Variants in EPM2A observed in about 807,000 individuals in gnomAD.
EPM2A encodes EPM2A glucan phosphatase, laforin.
EPM2A carries 21 observed loss-of-function variants against 26.5 expected under a neutral mutation model. The observed-to-expected ratio is 0.79, with a 90% CI of 0.56 to 1.14. The LOEUF is 1.14. Ranked by LOEUF, EPM2A falls within the 50% of genes most tolerant of loss-of-function variation. The pLI, the probability that EPM2A is intolerant of heterozygous loss-of-function variation, is 0.00. For missense variants in EPM2A, 458 were observed against 440.8 expected (o/e 1.04, Z -0.35); for synonymous variants, 217 against 177.6 (o/e 1.22, Z -1.76).
At chr6:145,407,249 C>T (rs551119604) in intron 4 of EPM2A, among the ~76,000 whole-genome samples, 2 of 152,196 alleles carry the variant, frequency 1.3e-5, no homozygotes, top group Non-Finnish European at 2.9e-5. Flanking sequence ...GGACAAAAGA[C>T]ATACACTAAG....
At chr6:145,571,899 A>G (rs1231709705) in intron 2 of EPM2A, among the ~76,000 whole-genome samples, 1 of 152,210 alleles carries the variant, frequency 6.6e-6, no homozygotes, top group Non-Finnish European at 1.5e-5. Context: ...GAGGTCACCT[A>G]TTGGTGAGCA....
chr6:145,412,547 T>G (rs1778658170), intron 4 of EPM2A, among the ~76,000 whole-genome samples: 1 of 152,190 alleles, frequency 6.6e-6, no homozygotes, highest in Admixed American at 6.5e-5. Context: ...CTGAATTCCT[T>G]TAGCTCTCAA....
chr6:145,426,189 A>T (rs570818823), intron 4 of EPM2A, among the ~76,000 whole-genome samples: 1 of 152,354 alleles, frequency 6.6e-6, no homozygotes, highest in African/African-American at 2.4e-5. Flanking sequence ...TGATGTTCAC[A>T]GCAGGCCAGG....
chr6:145,700,349 G>A (rs944138925), intron 1 of EPM2A, among the ~76,000 whole-genome samples: 7 of 152,012 alleles, frequency 4.6e-5, no homozygotes, highest in Non-Finnish European at 1.0e-4. Context: ...TTTTGTTGTT[G>A]TTGTTAAGAC....
intron 1 of EPM2A, among the ~76,000 whole-genome samples, chr6:145,730,026 C>A (rs1425937469): frequency 6.6e-6 from 1 of 152,110 alleles, no homozygotes; most frequent in African/African-American, 2.4e-5. Context: ...CCCCATCTTT[C>A]TCTCTTCCTC....
intron 2 of EPM2A, among the ~76,000 whole-genome samples, chr6:145,574,562 A>G (rs547835971): frequency 6.6e-6 from 1 of 152,278 alleles, no homozygotes; most frequent in Admixed American, 6.5e-5. Flanking sequence ...CTATTTCACA[A>G]GGCATTGGTC....
At position 145,605,669 on chromosome 6, in the gene EPM2A, A is replaced by G. The variant is rs182766664; in HGVS notation, c.340+29576T>C. 4.0e-3 allele frequency among the ~76,000 whole-genome samples: 607 copies of G among 152,312 alleles called. 3 individuals carry two copies. The highest frequency in any genetic ancestry group is 0.014 in the African/African-American group (574 of 41,594). On this transcript the variant is annotated intron_variant, in intron 2 of 3. Transcript: ENST00000450221. ...TCTTAAGCAGAGAAAGACACATTTT[A>G]CAGCACTGCTTTCCAGATACAAAAA...
At chr6:145,467,582 A>T (rs557876295) in intron 4 of EPM2A, among the ~76,000 whole-genome samples, 2 of 152,196 alleles carry the variant, frequency 1.3e-5, no homozygotes, top group South Asian at 4.1e-4. Context: ...CTATTATTAC[A>T]TTTTTCTCTT....
intron 2 of EPM2A, among the ~76,000 whole-genome samples, chr6:145,582,158 C>T (rs1383040642): frequency 2.6e-5 from 4 of 151,668 alleles, no homozygotes; most frequent in African/African-American, 9.7e-5. Context: ...TCATTAGATT[C>T]AAATTTTTTT....
At chr6:145,546,107 A>G (rs1780580276) in intron 2 of EPM2A, among the ~76,000 whole-genome samples, 2 of 152,134 alleles carry the variant, frequency 1.3e-5, no homozygotes, top group Non-Finnish European at 1.5e-5. Flanking sequence ...AAGTCTCACT[A>G]TCTGTCATCT....
At chr6:145,407,864 G>T (rs1279805192) in intron 4 of EPM2A, among the ~76,000 whole-genome samples, 1 of 152,126 alleles carries the variant, frequency 6.6e-6, no homozygotes, top group Non-Finnish European at 1.5e-5. Flanking sequence ...TTGTTTCTAA[G>T]ATGATTTTTC....
intron 4 of EPM2A, among the ~76,000 whole-genome samples, chr6:145,396,878 C>T (rs561453650): frequency 6.6e-6 from 1 of 152,258 alleles, no homozygotes; most frequent in Non-Finnish European, 1.5e-5. Flanking sequence ...CCTGGGATTC[C>T]CTTTGAACAT....
chr6:145,553,890 G>T (rs1780687333), intron 2 of EPM2A, among the ~76,000 whole-genome samples: 3 of 147,872 alleles, frequency 2.0e-5, no homozygotes, highest in Admixed American at 6.8e-5. Flanking sequence ...TATATATCAA[G>T]TAATAATAAC....
At chr6:145,473,371 G>A (rs1222583929) in intron 4 of EPM2A, among the ~76,000 whole-genome samples, 2 of 150,932 alleles carry the variant, frequency 1.3e-5, no homozygotes, top group African/African-American at 4.9e-5. Flanking sequence ...GAAGACAAAA[G>A]AAAAAAAGAA....
Position 145,614,284 on chromosome 6 carries a change from T to C in EPM2A, c.340+20961A>G, listed in dbSNP as rs151205826. Among the ~76,000 whole-genome samples the C allele has an allele frequency of 2.0e-5, 3 of 152,392 alleles. No homozygotes were observed. The East Asian group carries it at 5.8e-4, about 29-fold the overall frequency. On this transcript the variant is annotated intron_variant, in intron 2 of 3. Transcript: ENST00000450221. ...AGAGAGTTAGGGCTTTGCTCTGGAT[T>C]AGGCTTTGACTTAAGAGAAAGTGTT...
chr6:145,538,330 TAAG>T lies in EPM2A; in HGVS notation c.341-35758_341-35756del, dbSNP rs1780462638. On this transcript the variant is annotated intron_variant, in intron 2 of 3. Coordinates refer to the EPM2A transcript ENST00000450221. ...TACATGTTTAGTAATAACTTGGAAA[TAAG>T]AAGAACTTGGAAATAAGAGCTATGG... Among the ~76,000 whole-genome samples, 4 of 152,238 alleles carry T rather than the reference TAAG, an allele frequency of 2.6e-5. No homozygotes were observed. The South Asian group carries it at 8.3e-4, about 32-fold the overall frequency.
chr6:145,498,883 C>G (rs1041242668), downstream of EPM2A, among the ~76,000 whole-genome samples: 1 of 152,154 alleles, frequency 6.6e-6, no homozygotes, highest in African/African-American at 2.4e-5. Flanking sequence ...GTTTTCATAT[C>G]TCGGCTATTT....
chr6:145,723,516 T>A (rs562969989), intron 1 of EPM2A, among the ~76,000 whole-genome samples: 8 of 152,176 alleles, frequency 5.3e-5, no homozygotes, highest in Admixed American at 5.2e-4. Context: ...TTGCAAAAAA[T>A]TTAAGAATAT....
intron 4 of EPM2A, among the ~76,000 whole-genome samples, chr6:145,455,999 A>G (rs1254745358): frequency 6.6e-6 from 1 of 152,242 alleles, no homozygotes; most frequent in Non-Finnish European, 1.5e-5. Flanking sequence ...AGAATAAGTC[A>G]TAATGATTTT....
Sources: gnomAD v4.1 joint callset for allele counts (sites outside exome capture counted in the v4.1 genomes callset) on GRCh38, gnomAD v4.1.1 for gene constraint, MANE v1.5 for transcripts, NCBI Gene and HGNC (gene_info 2026-07-23, HGNC 2026-07-21) for gene names.